Variants in ZNF469 observed in about 807,000 individuals in gnomAD.
The protein encoded by ZNF469 is zinc finger protein 469.
A neutral mutation model predicts 1.0 loss-of-function variants in ZNF469; 1 was observed. The ratio of observed to expected loss-of-function variants is 1.00; its 90% confidence interval spans 0.35 to 4.73. The LOEUF is 4.73. Ranked by LOEUF, ZNF469 falls within the 30% of genes most tolerant of loss-of-function variation. The pLI is 0.16. For synonymous variants in ZNF469, 2,703 were observed against 2,363.4 expected, an observed-to-expected ratio of 1.14 and a Z score of -4.17; for missense variants, 6,100 against 5,356.3, an observed-to-expected ratio of 1.14 and a Z score of -4.33.
rs1429091364 is a variant in ZNF469, at chr16:88,435,411, C to T, written c.7941C>T (p.Ser2647=). The change falls in exon 3 of 3, where the codon AGC becomes AGT. Residue 2647 remains serine (S), a synonymous_variant. Transcript: ENST00000565624. ...KLRGRRLREE[S]ILPVSADVIS... ...GAGGGAGAAGGCTCCGGGAGGAGAG[C>T]ATTCTTCCAGTCTCTGCTGATGTGA... The T allele has an allele frequency of 5.2e-6, 8 of 1,550,228 alleles. No homozygotes were observed. The African/African-American group carries it at 8.2e-5, about 16-fold the overall frequency.
intron 2 of ZNF469, among the ~76,000 whole-genome samples, chr16:88,427,092 C>T (rs1905737946): frequency 6.6e-6 from 1 of 152,072 alleles, no homozygotes; most frequent in Admixed American, 6.5e-5. Flanking sequence ...TCAATCTCTG[C>T]GCTCCACCGC....
chr16:88,184,859 C>T, the ZNF469 span, among the ~76,000 whole-genome samples: 3 of 152,234 alleles, frequency 2.0e-5, no homozygotes, highest in African/African-American at 4.8e-5. Flanking sequence ...TGCGGGGACA[C>T]GTGCGTGCAC....
At chr16:88,234,191 C>A in the ZNF469 span, among the ~76,000 whole-genome samples, 1 of 152,220 alleles carries the variant, frequency 6.6e-6, no homozygotes, top group African/African-American at 2.4e-5. Context: ...CTTCTTTGAT[C>A]TTCTGAGATC....
rs750005577 is a variant in ZNF469 at position 88,428,992 on chromosome 16, G to T, written c.1522G>T (p.Ala508Ser). ...GATGCTGAGCCGGCTGCCTTTCCCCGCGGGGGGCCCCGAGTGGCAGGGGGG... is the reference window on the plus strand; with the variant it reads ...GATGCTGAGCCGGCTGCCTTTCCCCTCGGGGGGCCCCGAGTGGCAGGGGGG... Reference protein sequence around the residue: ...MEMLSRLPFPAGGPEWQGGSQ... With the variant: ...MEMLSRLPFPSGGPEWQGGSQ... The change falls in exon 3 of 3, where the codon GCG (alanine) becomes TCG (serine). Residue 508 changes from alanine (A) to serine (S), a missense_variant. Coordinates refer to ENST00000565624, the MANE Select transcript of ZNF469 (RefSeq NM_001367624.2). 2 of 1,548,988 alleles carry T rather than the reference G, an allele frequency of 1.3e-6. No individual in the cohort carries two copies. Among genetic ancestry groups the T allele is most frequent in the African/African-American group, 2.7e-5 (2 of 72,966 alleles).
the ZNF469 span, among the ~76,000 whole-genome samples, chr16:88,102,120 T>C: frequency 7.6e-6 from 1 of 132,078 alleles, no homozygotes. Context: ...TGATCTAAGA[T>C]ATTGGTGCAG....
the ZNF469 span, among the ~76,000 whole-genome samples, chr16:88,329,787 C>A: frequency 2.6e-5 from 4 of 152,182 alleles, no homozygotes; most frequent in African/African-American, 9.7e-5. Flanking sequence ...GGGCAGCAAC[C>A]CCAAGGTGAG....
At chr16:88,175,764 C>T in the ZNF469 span, among the ~76,000 whole-genome samples, 2 of 152,164 alleles carry the variant, frequency 1.3e-5, no homozygotes, top group Admixed American at 6.5e-5. Flanking sequence ...AATCAATTAT[C>T]ACCTTGAGAA....
chr16:88,313,405 G>A, the ZNF469 span, among the ~76,000 whole-genome samples: 9 of 152,096 alleles, frequency 5.9e-5, no homozygotes, highest in Non-Finnish European at 1.2e-4. Context: ...AATTGCATCC[G>A]CCCATCCCTC....
the ZNF469 span, among the ~76,000 whole-genome samples, chr16:88,337,161 G>T: frequency 6.6e-6 from 1 of 152,174 alleles, no homozygotes; most frequent in South Asian, 2.1e-4. Context: ...GTATGGTTTG[G>T]CTGTGTCCCC....
chr16:88,264,785 C>T, the ZNF469 span, among the ~76,000 whole-genome samples: 5 of 148,896 alleles, frequency 3.4e-5, no homozygotes, highest in Admixed American at 6.8e-5. Flanking sequence ...TTGGCGCAAC[C>T]CTAGGCTGCC....
the ZNF469 span, among the ~76,000 whole-genome samples, chr16:88,219,864 C>T: frequency 1.3e-5 from 2 of 152,190 alleles, no homozygotes; most frequent in African/African-American, 4.8e-5. Flanking sequence ...AGAAGTGGCC[C>T]TCCGTGGGTA....
chr16:88,150,719 T>C, the ZNF469 span, among the ~76,000 whole-genome samples: 1 of 139,756 alleles, frequency 7.2e-6, no homozygotes. Flanking sequence ...ATTCGGGAGC[T>C]TTGAGCTTTC....
chr16:88,138,579 A>G, the ZNF469 span, among the ~76,000 whole-genome samples: 3 of 152,246 alleles, frequency 2.0e-5, no homozygotes, highest in Non-Finnish European at 4.4e-5. Context: ...CAGTGTCTGA[A>G]TAAAAGGGAC....
chr16:88,288,221 T>A, the ZNF469 span, among the ~76,000 whole-genome samples: 1 of 152,160 alleles, frequency 6.6e-6, no homozygotes, highest in African/African-American at 2.4e-5. Flanking sequence ...CCTAGATCCA[T>A]GCCCTTCACC....
chr16:88,294,352 C>A, the ZNF469 span, among the ~76,000 whole-genome samples: 2 of 152,212 alleles, frequency 1.3e-5, no homozygotes, highest in Non-Finnish European at 2.9e-5. Context: ...TTCCTTACTT[C>A]CTTCCACAAA....
the ZNF469 span, among the ~76,000 whole-genome samples, chr16:88,239,279 T>G: frequency 1.3e-5 from 2 of 152,180 alleles, no homozygotes; most frequent in African/African-American, 2.4e-5. Context: ...GGGAAAAAAT[T>G]GAAAAGTAGT....
chr16:88,317,882 A>G, the ZNF469 span, among the ~76,000 whole-genome samples: 1 of 152,134 alleles, frequency 6.6e-6, no homozygotes, highest in Non-Finnish European at 1.5e-5. Context: ...CCTGTCTCAG[A>G]GCTCGGTGTC....
the ZNF469 span, among the ~76,000 whole-genome samples, chr16:88,338,835 A>G: frequency 6.6e-6 from 1 of 152,102 alleles, no homozygotes; most frequent in Non-Finnish European, 1.5e-5. Flanking sequence ...CATCCCCCAG[A>G]AGCAGGGAGG....
chr16:88,345,375 T>C, the ZNF469 span, among the ~76,000 whole-genome samples: 1 of 152,242 alleles, frequency 6.6e-6, no homozygotes, highest in African/African-American at 2.4e-5. Flanking sequence ...TAATTGTACC[T>C]AATTTCAATT....
Sources: gnomAD v4.1 joint callset for allele counts (sites outside exome capture counted in the v4.1 genomes callset) on GRCh38, gnomAD v4.1.1 for gene constraint, MANE v1.5 for transcripts, NCBI Gene and HGNC (gene_info 2026-07-23, HGNC 2026-07-21) for gene names.